CNTNAP2: variants seen among roughly 807,000 people sequenced by gnomAD.
CNTNAP2 encodes the protein contactin associated protein 2.
CNTNAP2 carries 98 observed loss-of-function variants against 155.2 expected under a neutral mutation model. The observed-to-expected ratio is 0.63, with a 90% CI of 0.54 to 0.75. CNTNAP2 has a LOEUF of 0.75. Among genes scored for constraint, CNTNAP2 ranks in the 30% least tolerant of loss-of-function variants. The pLI, the probability that CNTNAP2 is intolerant of heterozygous loss-of-function variation, is 0.00. For synonymous variants in CNTNAP2, 651 were observed against 631.2 expected, an observed-to-expected ratio of 1.03 and a Z score of -0.47; for missense variants, 1,727 against 1,688.1, an observed-to-expected ratio of 1.02 and a Z score of -0.40.
At chr7:147,414,598 A>C (rs1417170453) in intron 10 of CNTNAP2, among the ~76,000 whole-genome samples, 1 of 152,110 alleles carries the variant, frequency 6.6e-6, no homozygotes, top group African/African-American at 2.4e-5. Context: ...GTTCTTAGTT[A>C]TGAATAAACA....
intron 3 of CNTNAP2, among the ~76,000 whole-genome samples, chr7:146,932,388 C>CTG (rs1796783837): frequency 6.7e-6 from 1 of 150,266 alleles, no homozygotes; most frequent in South Asian, 2.1e-4. Context: ...ATTCAACAAC[C>CTG]CTTCATGCTA....
At chr7:146,561,922 C>A (rs1438784189) in intron 1 of CNTNAP2, among the ~76,000 whole-genome samples, 1 of 152,014 alleles carries the variant, frequency 6.6e-6, no homozygotes, top group African/African-American at 2.4e-5. Flanking sequence ...TCCTGAGTAG[C>A]TGGAACCACA....
intron 13 of CNTNAP2, among the ~76,000 whole-genome samples, chr7:147,766,867 A>T (rs1797390732): frequency 6.6e-6 from 1 of 152,118 alleles, no homozygotes; most frequent in South Asian, 2.1e-4. Context: ...ATGAATAAGA[A>T]TTAAATGTTT....
intron 3 of CNTNAP2, among the ~76,000 whole-genome samples, chr7:146,901,423 A>G (rs1405550147): frequency 6.6e-6 from 1 of 152,238 alleles, no homozygotes; most frequent in African/African-American, 2.4e-5. Context: ...GATATTATGA[A>G]TACATGGATG....
Position 147,608,635 on chromosome 7 carries a change from A to C in CNTNAP2, c.1898-30471A>C, listed in dbSNP as rs533362688. 2.0e-5 allele frequency among the ~76,000 whole-genome samples: 3 copies of C among 152,220 alleles called. No individual in the cohort carries two copies. In the East Asian group the frequency reaches 5.8e-4, roughly 29 times the overall value. On this transcript the variant is annotated intron_variant, in intron 12 of 23. Coordinates refer to ENST00000361727, the MANE Select transcript of CNTNAP2 (RefSeq NM_014141.6). The stretch of plus-strand genomic sequence containing the variant: ...CATTTCAAATGGATGTTTTATAGGA[A>C]TCATCATTGATGATAATGAGAGATA...
intron 3 of CNTNAP2, among the ~76,000 whole-genome samples, chr7:146,906,604 A>G (rs1372633485): frequency 6.6e-6 from 1 of 152,074 alleles, no homozygotes. Context: ...GTCTGTTAGA[A>G]GGAAAACTAA....
intron 1 of CNTNAP2, among the ~76,000 whole-genome samples, chr7:146,711,065 A>G (rs28481590): frequency 0.013 from 1,898 of 151,772 alleles, 38 homozygotes; most frequent in African/African-American, 0.043. Flanking sequence ...CAGGTTGGCA[A>G]GATGCAAGTT....
intron 21 of CNTNAP2, among the ~76,000 whole-genome samples, chr7:148,307,699 A>AG (rs766345581): frequency 6.6e-6 from 1 of 152,156 alleles, no homozygotes; most frequent in Non-Finnish European, 1.5e-5. Context: ...TGGGCATGGT[A>AG]GCGCATGCCG....
intron 3 of CNTNAP2, among the ~76,000 whole-genome samples, chr7:146,940,040 C>G (rs985604167): frequency 6.6e-6 from 1 of 152,108 alleles, no homozygotes; most frequent in Non-Finnish European, 1.5e-5. Flanking sequence ...AGTGTTTTGG[C>G]ACAATTGCCA....
intron 1 of CNTNAP2, among the ~76,000 whole-genome samples, chr7:146,126,658 A>G (rs1305789290): frequency 6.6e-6 from 1 of 152,254 alleles, no homozygotes; most frequent in African/African-American, 2.4e-5. Context: ...TATGATTGCT[A>G]TTACTAAAGT....
chr7:147,471,648 A>G (rs1798217102), intron 10 of CNTNAP2, among the ~76,000 whole-genome samples: 1 of 152,216 alleles, frequency 6.6e-6, no homozygotes, highest in Non-Finnish European at 1.5e-5. Context: ...AACTATTCAA[A>G]CTAATTGATA....
At chr7:147,429,930 T>TA (rs1227993092) in intron 10 of CNTNAP2, among the ~76,000 whole-genome samples, 43 of 152,282 alleles carry the variant, frequency 2.8e-4, no homozygotes, top group African/African-American at 9.9e-4. Context: ...TCCTTGTTTT[T>TA]ATACCAGTAC....
chr7:146,568,147 A>G (rs534892471), intron 1 of CNTNAP2, among the ~76,000 whole-genome samples: 1 of 152,224 alleles, frequency 6.6e-6, no homozygotes, highest in South Asian at 2.1e-4. Flanking sequence ...AGCAGACCCA[A>G]ATGTTTTCTT....
In CNTNAP2 at chr7:146,463,287, C is replaced by G. The variant is rs189855372; in HGVS notation, c.98-310984C>G. Among the ~76,000 whole-genome samples, 7 of 152,224 alleles carry G rather than the reference C, an allele frequency of 4.6e-5. No individual in the cohort carries two copies. The East Asian group carries it at 1.4e-3, about 29-fold the overall frequency. On this transcript the variant is annotated intron_variant, in intron 1 of 23. Transcript: ENST00000361727. The stretch of plus-strand genomic sequence containing the variant: ...ATGAGTTTTGCCAGAATTATGTGTA[C>G]TGTTGCCATGATTTCCATGTATTCA...
chr7:146,442,481 T>A (rs890549689), intron 1 of CNTNAP2, among the ~76,000 whole-genome samples: 6 of 152,084 alleles, frequency 3.9e-5, no homozygotes, highest in African/African-American at 9.7e-5. Flanking sequence ...TGTGTGAGTG[T>A]GTGTGAAACA....
intron 15 of CNTNAP2, among the ~76,000 whole-genome samples, chr7:148,097,147 C>T (rs547618068): frequency 7.2e-5 from 11 of 151,832 alleles, no homozygotes; most frequent in Middle Eastern, 6.9e-3. Context: ...CCACGTGGTC[C>T]GTGAAAACCC....
In CNTNAP2 at chr7:147,619,668, A is replaced by G. The variant is rs1047389126; in HGVS notation, c.1898-19438A>G. Among the ~76,000 whole-genome samples, 6 of 152,304 alleles carry G rather than the reference A, an allele frequency of 3.9e-5. No individual in the cohort carries two copies. The East Asian group carries it at 1.2e-3, about 29-fold the overall frequency. On this transcript the variant is annotated intron_variant, in intron 12 of 23. Transcript: ENST00000361727. ...TGACAGCTCAGCCACAGTACAACAG[A>G]ACAGGTGGAGTTCTGAGGTTTTTGA...
chr7:146,432,013 C>T (rs1796179916), intron 1 of CNTNAP2, among the ~76,000 whole-genome samples: 1 of 152,070 alleles, frequency 6.6e-6, no homozygotes, highest in African/African-American at 2.4e-5. Context: ...TCTTTCTCAT[C>T]TTGTGGTCCT....
intron 20 of CNTNAP2, among the ~76,000 whole-genome samples, chr7:148,231,515 A>T (rs1795960855): frequency 6.6e-6 from 1 of 152,130 alleles, no homozygotes; most frequent in Non-Finnish European, 1.5e-5. Context: ...TGTGGACTAG[A>T]ATACCACTAG....
Sources: gnomAD v4.1 joint callset for allele counts (sites outside exome capture counted in the v4.1 genomes callset) on GRCh38, gnomAD v4.1.1 for gene constraint, MANE v1.5 for transcripts, NCBI Gene and HGNC (gene_info 2026-07-23, HGNC 2026-07-21) for gene names.